The following TAF4 variants were observed in gnomAD, a reference collection of about 807,000 sequenced individuals.
TAF4 encodes transcription initiation factor TFIID subunit 4.
In TAF4, 9 loss-of-function variants were observed where a neutral mutation model predicts 90.3. The observed-to-expected ratio is 0.10, with a 90% confidence interval of 0.06 to 0.17. The LOEUF (loss-of-function observed/expected upper bound fraction) is 0.17, where lower values mean the gene tolerates loss of function less well. TAF4 is among the 10% of genes least tolerant of loss of function. The pLI is 1.00. For synonymous variants in TAF4, 818 were observed against 638.9 expected (o/e 1.28, Z -4.23); for missense variants, 1,351 against 1,370.7 (o/e 0.99, Z 0.23).
intron 1 of TAF4, among the ~76,000 whole-genome samples, chr20:62,063,421 C>T (rs1380137174): frequency 1.3e-5 from 2 of 152,296 alleles, no homozygotes; most frequent in East Asian, 3.9e-4. Flanking sequence ...GGAGGAGCTC[C>T]CCTGCCCAGC....
At chr20:61,997,819 T>C in intron 13 of TAF4, 150 bp from the exon 14 acceptor site, 1 of 1,081,242 alleles carries the variant, frequency 9.2e-7, no homozygotes, top group Non-Finnish European at 1.3e-6. Flanking sequence ...AAGCATATTC[T>C]ATAATCCAAA....
At chr20:62,044,321 T>A (rs925264356) in intron 1 of TAF4, among the ~76,000 whole-genome samples, 4 of 152,376 alleles carry the variant, frequency 2.6e-5, no homozygotes, top group Admixed American at 2.6e-4. Flanking sequence ...GCGTATATGC[T>A]ACATTAGTTA....
chr20:61,985,249 G>A (rs571902609), intron 14 of TAF4, among the ~76,000 whole-genome samples: 89 of 151,802 alleles, frequency 5.9e-4, no homozygotes, highest in African/African-American at 1.9e-3. Context: ...GACTAAACCC[G>A]AGCTGTGCTG....
In TAF4 at chr20:61,998,296, T is replaced by C. The variant is rs146282543; in HGVS notation, c.2914-104A>G. The C allele has an allele frequency of 1.4e-4, 173 of 1,193,732 alleles. 1 individual carries two copies. The Middle Eastern group carries it at 5.1e-3, about 35-fold the overall frequency. The allele number at this position is 1,193,732 out of a possible 1,614,324, so 73.9% of individuals were successfully genotyped here. On this transcript the variant is annotated intron_variant, in intron 12 of 14. Transcript: ENST00000252996. ...ACTATACAATAACATCTAGGTAATGTTAAAGAATGCATAGCAAATTTGTGA... is the reference window on the plus strand; with the variant it reads ...ACTATACAATAACATCTAGGTAATGCTAAAGAATGCATAGCAAATTTGTGA...
At chr20:62,046,274 T>A (rs1417486407) in intron 1 of TAF4, among the ~76,000 whole-genome samples, 1 of 152,224 alleles carries the variant, frequency 6.6e-6, no homozygotes, top group African/African-American at 2.4e-5. Flanking sequence ...AAGTGTGCAA[T>A]TTGAAAAGTT....
chr20:62,030,295 C>T (rs977962517), intron 1 of TAF4, among the ~76,000 whole-genome samples: 2 of 152,224 alleles, frequency 1.3e-5, no homozygotes, highest in East Asian at 1.9e-4. Flanking sequence ...CTGGATAGGA[C>T]GACACAGCAG....
In TAF4 at chr20:62,065,253, AGGGC is replaced by A; in HGVS notation, c.554_557del (p.Gly185ValfsTer13). ...CGGCGCCGGGGCCGGCGGGCTTGCC[AGGGC>A]CAGGGCCGGGGCCGGGGCCGGGGCC... On this transcript the variant is annotated frameshift_variant, in exon 1 of 15. Transcript: ENST00000252996. LOFTEE classifies it high-confidence loss of function. 1 of 21,342 alleles carries A rather than the reference AGGGC, an allele frequency of 4.7e-5. No homozygotes were observed. 1.3% of individuals were successfully genotyped at this position (21,342 alleles called of 1,614,324 possible).
chr20:62,043,773 C>T (rs1348518291), intron 1 of TAF4, among the ~76,000 whole-genome samples: 3 of 152,236 alleles, frequency 2.0e-5, no homozygotes, highest in Non-Finnish European at 4.4e-5. Context: ...GTGTAGCAGG[C>T]TGTGCCATCC....
In TAF4 at chr20:62,018,147, C is replaced by T. The variant is rs147646751; in HGVS notation, c.1361-3440G>A. On this transcript the variant is annotated intron_variant, in intron 1 of 14. Coordinates refer to ENST00000252996, the MANE Select transcript of TAF4 (RefSeq NM_003185.4). Reference sequence around the variant, plus strand: ...TCTGTGAACCAAGCGCGAGTGGCCACGTCTCCTAAGCCGAACTGAGGTTTG... The same window carrying T: ...TCTGTGAACCAAGCGCGAGTGGCCATGTCTCCTAAGCCGAACTGAGGTTTG... Among the ~76,000 whole-genome samples, 13 of 152,360 alleles carry T rather than the reference C, an allele frequency of 8.5e-5. No individual in the cohort carries two copies. In the East Asian group the frequency reaches 1.4e-3, roughly 16 times the overall value.
At chr20:62,062,788 G>C (rs1332961137) in intron 1 of TAF4, among the ~76,000 whole-genome samples, 1 of 152,216 alleles carries the variant, frequency 6.6e-6, no homozygotes, top group East Asian at 1.9e-4. Context: ...GAAAGAGACA[G>C]ATGAGGCTTT....
At chr20:62,004,318 C>CTT (rs1250131175) in intron 7 of TAF4, among the ~76,000 whole-genome samples, 1 of 121,528 alleles carries the variant, frequency 8.2e-6, no homozygotes, top group Non-Finnish European at 1.8e-5. Flanking sequence ...TTTCTTTTTT[C>CTT]TTTTCTTTTC....
chr20:62,041,797 G>C (rs891029439), intron 1 of TAF4, among the ~76,000 whole-genome samples: 1 of 151,642 alleles, frequency 6.6e-6, no homozygotes, highest in African/African-American at 2.4e-5. Flanking sequence ...ACATCAGCCA[G>C]GCACAGTGGC....
chr20:61,984,092 G>T (rs751559490), intron 14 of TAF4, among the ~76,000 whole-genome samples: 6 of 152,312 alleles, frequency 3.9e-5, no homozygotes, highest in Non-Finnish European at 5.9e-5. Context: ...GCCTGCCGCA[G>T]AACAGGTCAA....
intron 1 of TAF4, among the ~76,000 whole-genome samples, chr20:62,031,976 A>G (rs2055906997): frequency 1.3e-5 from 2 of 152,100 alleles, no homozygotes; most frequent in South Asian, 4.1e-4. Context: ...GCAAGCAAGA[A>G]GGAAACAACC....
chr20:62,065,167 A>T lies in TAF4; in HGVS notation c.644T>A (p.Val215Asp). 1 of 1,207,700 alleles carries T rather than the reference A, an allele frequency of 8.3e-7. No individual in the cohort carries two copies. Among genetic ancestry groups the T allele is most frequent in the Non-Finnish European group, 1.1e-6 (1 of 949,504 alleles). The allele number at this position is 1,207,700 out of a possible 1,614,324, so 74.8% of individuals were successfully genotyped here. A position where few individuals can be genotyped will look rare whatever the true frequency, so the allele number is the denominator to read the frequency against. Residue 215 changes from valine to aspartate, a missense_variant, in exon 1 of 15, where the codon GTC (valine) becomes GAC (aspartate). Val to Asp is a radical substitution (Grantham distance 152). This residue lies in a region of TAF4 where 782 missense variants were observed against 536.6 expected (regional missense o/e 1.46). Transcript: ENST00000252996. ...LNSHHAAAPA[V>D]SLVNNGPAAL... ...GGCGGGCCCGTTGTTGACCAGGCTGACAGCAGGTGCGGCGGCGTGGTGCGA... is the reference window on the plus strand; with the variant it reads ...GGCGGGCCCGTTGTTGACCAGGCTGTCAGCAGGTGCGGCGGCGTGGTGCGA...
At chr20:62,048,834 C>T (rs2056009708) in intron 1 of TAF4, among the ~76,000 whole-genome samples, 1 of 143,466 alleles carries the variant, frequency 7.0e-6, no homozygotes, top group African/African-American at 2.6e-5. Flanking sequence ...CTCCGTACAC[C>T]CCCACCCCAG....
intron 1 of TAF4, among the ~76,000 whole-genome samples, chr20:62,053,712 C>T (rs534117375): frequency 6.6e-6 from 1 of 152,378 alleles, no homozygotes; most frequent in East Asian, 1.9e-4. Flanking sequence ...CAAGGCCAAG[C>T]ACGGTCTGAG....
intron 1 of TAF4, among the ~76,000 whole-genome samples, chr20:62,053,542 G>A (rs2056042783): frequency 6.6e-6 from 1 of 152,236 alleles, no homozygotes; most frequent in Non-Finnish European, 1.5e-5. Context: ...TTTATGCTGA[G>A]AAGCGGCATC....
At chr20:61,976,388 T>G (rs2055495000) in intron 14 of TAF4, 53 bp from the exon 15 acceptor site, 1 of 1,595,250 alleles carries the variant, frequency 6.3e-7, no homozygotes, top group African/African-American at 1.3e-5. Context: ...GAGTGGGGCT[T>G]GCAATGAGCC....
Sources: allele counts gnomAD v4.1 joint callset (sites outside exome capture counted in the v4.1 genomes callset), GRCh38; gene constraint gnomAD v4.1.1; regional missense constraint gnomAD v4.1.1; transcripts MANE v1.5; gene names NCBI Gene and HGNC (gene_info 2026-07-23, HGNC 2026-07-21).